Variants in MARCHF11 observed in about 807,000 individuals in gnomAD.
The protein encoded by MARCHF11 is E3 ubiquitin-protein ligase MARCHF11.
In MARCHF11, 29 loss-of-function variants were observed where a neutral mutation model predicts 37.3. That is an observed-to-expected ratio of 0.78 (90% CI 0.58 to 1.06). MARCHF11 has a LOEUF of 1.06. Among genes scored for constraint, MARCHF11 ranks in the 50% least tolerant of loss-of-function variants. The pLI is 0.00. For missense variants in MARCHF11, 482 were observed against 533.4 expected (o/e 0.90, Z 0.95); for synonymous variants, 233 against 228.0 (o/e 1.02, Z -0.20).
intron 2 of MARCHF11, among the ~76,000 whole-genome samples, chr5:16,166,538 A>G (rs905974046): frequency 6.6e-6 from 1 of 151,892 alleles, no homozygotes; most frequent in African/African-American, 2.4e-5. Context: ...TTCTATCAAC[A>G]CAGAAATGGT....
At chr5:16,158,499 G>C (rs1013573371) in intron 2 of MARCHF11, among the ~76,000 whole-genome samples, 3 of 151,860 alleles carry the variant, frequency 2.0e-5, no homozygotes, top group Admixed American at 6.6e-5. Flanking sequence ...GCACAAAAAA[G>C]ACAAATGCCA....
rs184298071 is a variant in MARCHF11 at position 16,118,287 on chromosome 5, A to T, written c.694-27206T>A. ...TTCTTCCAAGCTAATCGGGGAACCAATCACAAATGGGTTTTAGGGTGAGAA... is the reference window on the plus strand; with the variant it reads ...TTCTTCCAAGCTAATCGGGGAACCATTCACAAATGGGTTTTAGGGTGAGAA... On this transcript the variant is annotated intron_variant, in intron 2 of 3. Transcript: ENST00000332432. 2.8e-3 allele frequency among the ~76,000 whole-genome samples: 429 copies of T among 152,354 alleles called. 6 individuals are homozygous for T. The highest frequency in any genetic ancestry group is 9.3e-3 in the African/African-American group (388 of 41,584).
intron 2 of MARCHF11, among the ~76,000 whole-genome samples, chr5:16,133,960 A>C (rs966787652): frequency 2.0e-5 from 3 of 152,182 alleles, no homozygotes; most frequent in Non-Finnish European, 4.4e-5. Flanking sequence ...TAATACCTGC[A>C]CAGAAAATTG....
At chr5:16,166,396 T>C (rs915604667) in intron 2 of MARCHF11, among the ~76,000 whole-genome samples, 2 of 152,020 alleles carry the variant, frequency 1.3e-5, no homozygotes, top group Non-Finnish European at 2.9e-5. Context: ...TAAGCACATA[T>C]GTGTAAATAT....
chr5:16,172,485 A>C (rs563065316), intron 2 of MARCHF11, among the ~76,000 whole-genome samples: 1 of 152,330 alleles, frequency 6.6e-6, no homozygotes, highest in Admixed American at 6.5e-5. Context: ...AAAGAATGGA[A>C]GTAAGAGCAG....
intron 2 of MARCHF11, among the ~76,000 whole-genome samples, chr5:16,147,454 A>G (rs1737818302): frequency 6.6e-6 from 1 of 152,158 alleles, no homozygotes; most frequent in South Asian, 2.1e-4. Flanking sequence ...AGTAAATGCA[A>G]AGAGACTTGA....
intron 2 of MARCHF11, among the ~76,000 whole-genome samples, chr5:16,125,251 A>T (rs1410063012): frequency 6.6e-6 from 1 of 151,230 alleles, no homozygotes; most frequent in Non-Finnish European, 1.5e-5. Context: ...TGGCCATCTG[A>T]TGTTTGAACT....
At chr5:16,172,067 T>C (rs1031004874) in intron 2 of MARCHF11, among the ~76,000 whole-genome samples, 2 of 152,216 alleles carry the variant, frequency 1.3e-5, no homozygotes, top group Admixed American at 6.5e-5. Context: ...GCAAATACCA[T>C]GGCACAATGC....
intron 2 of MARCHF11, among the ~76,000 whole-genome samples, chr5:16,137,488 T>C (rs1737627519): frequency 6.6e-6 from 1 of 152,192 alleles, no homozygotes; most frequent in Non-Finnish European, 1.5e-5. Flanking sequence ...CTTTATAAAT[T>C]ACTCAGTCAA....
intron 3 of MARCHF11, among the ~76,000 whole-genome samples, chr5:16,071,442 G>A (rs546683606): frequency 4.4e-4 from 67 of 152,310 alleles, no homozygotes; most frequent in Non-Finnish European, 8.1e-4. Context: ...CTTTGTTAGA[G>A]ATTAATCTTG....
intron 2 of MARCHF11, among the ~76,000 whole-genome samples, chr5:16,095,760 A>C (rs963346126): frequency 1.3e-5 from 2 of 152,078 alleles, no homozygotes; most frequent in Non-Finnish European, 2.9e-5. Flanking sequence ...ACTTCTGGGG[A>C]AAGCTGGCTT....
intron 2 of MARCHF11, among the ~76,000 whole-genome samples, chr5:16,163,685 G>A (rs566535619): frequency 6.6e-6 from 1 of 152,144 alleles, no homozygotes; most frequent in Admixed American, 6.6e-5. Context: ...AGAAAGAATA[G>A]ACAGGAAGAC....
intron 2 of MARCHF11, among the ~76,000 whole-genome samples, chr5:16,132,688 G>A (rs191133105): frequency 6.6e-6 from 1 of 152,218 alleles, no homozygotes; most frequent in East Asian, 1.9e-4. Flanking sequence ...TTTTATTAAA[G>A]AAAATGCAAG....
At position 16,179,510 on chromosome 5, in the gene MARCHF11, A is replaced by C; in HGVS notation, c.66T>G (p.Pro22=). Reference sequence around the variant, plus strand: ...GCGGCGGCGGGGGAGGTTGCGGGGGAGGCTCGGCGTCCCCGCTCTCCGCCC... The same window carrying C: ...GCGGCGGCGGGGGAGGTTGCGGGGGCGGCTCGGCGTCCCCGCTCTCCGCCC... ...CRGAESGDAE[P]PPQPPPPPPP... is the part of the protein sequence containing the mutation. Residue 22 remains proline, a synonymous_variant, in exon 1 of 4, where the codon CCT becomes CCG. Transcript: ENST00000332432. 6 of 1,150,944 alleles carry C rather than the reference A, an allele frequency of 5.2e-6. No individual in the cohort carries two copies. The highest frequency in any genetic ancestry group is 3.2e-6 in the Non-Finnish European group (3 of 938,686). The allele number at this position is 1,150,944 out of a possible 1,614,324, so 71.3% of individuals were successfully genotyped here.
chr5:16,176,927 T>C (rs2126613233), intron 2 of MARCHF11, among the ~76,000 whole-genome samples: 1 of 152,284 alleles, frequency 6.6e-6, no homozygotes, highest in South Asian at 2.1e-4. Flanking sequence ...CAGATAACAT[T>C]AATTACACAT....
At chr5:16,139,161 T>C (rs11742666) in intron 2 of MARCHF11, among the ~76,000 whole-genome samples, 2,634 of 152,302 alleles carry the variant, frequency 0.017, 44 homozygotes, top group Admixed American at 0.064. Flanking sequence ...CCTTGAATTG[T>C]AGCTTCCATA....
chr5:16,169,888 TC>T lies in MARCHF11; in HGVS notation c.693+7837del, dbSNP rs1260808518. ...GTCATCCCATTCTACTCTCAGAAGG[TC>T]CCAAAATAGAAAGAAGCCGAGTTTC... On this transcript the variant is annotated intron_variant, in intron 2 of 3. Transcript: ENST00000332432. 4.6e-5 allele frequency among the ~76,000 whole-genome samples: 7 copies of T among 152,128 alleles called. No individual in the cohort carries two copies. The East Asian group carries it at 1.4e-3, about 29-fold the overall frequency.
intron 3 of MARCHF11, among the ~76,000 whole-genome samples, chr5:16,075,752 G>A (rs1736506107): frequency 6.6e-6 from 1 of 152,196 alleles, no homozygotes; most frequent in Non-Finnish European, 1.5e-5. Flanking sequence ...AACTGAGACA[G>A]GCAGTTCAGG....
Sources: allele counts gnomAD v4.1 joint callset (sites outside exome capture counted in the v4.1 genomes callset), GRCh38; gene constraint gnomAD v4.1.1; transcripts MANE v1.5; gene names NCBI Gene and HGNC (gene_info 2026-07-23, HGNC 2026-07-21).